The following GSDMB variants were observed in gnomAD, a reference collection of about 807,000 sequenced individuals.
The protein encoded by GSDMB is gasdermin-B.
A neutral mutation model predicts 42.9 loss-of-function variants in GSDMB; 32 were observed. That is an observed-to-expected ratio of 0.75 (90% CI 0.56 to 1.00). The LOEUF is 1.00. Among genes scored for constraint, GSDMB ranks in the 50% least tolerant of loss-of-function variants. The pLI, the probability that GSDMB is intolerant of heterozygous loss-of-function variation, is 0.00. For synonymous variants in GSDMB, 175 were observed against 193.7 expected (o/e 0.90, Z 0.80); for missense variants, 468 against 498.5 (o/e 0.94, Z 0.58).
intron 2 of GSDMB, 73 bp downstream of exon 2, chr17:39,917,009 G>A (rs746679705): frequency 1.2e-5 from 11 of 911,046 alleles, no homozygotes; most frequent in Non-Finnish European, 2.0e-5. Flanking sequence ...TAACAATGGG[G>A]AATTGAGAAG....
chr17:39,906,718 G>A, intron 7 of GSDMB: 1 of 1,250,058 alleles, frequency 8.0e-7, no homozygotes, highest in Non-Finnish European at 1.0e-6. Context: ...AGAGTTTCTG[G>A]AGACGGGACT....
chr17:39,917,252 A>T lies in GSDMB; in HGVS notation c.65T>A (p.Met22Lys). The T allele has an allele frequency of 6.2e-7, 1 of 1,614,024 alleles. No homozygotes were observed. The highest frequency in any genetic ancestry group is 8.5e-7 in the Non-Finnish European group (1 of 1,179,892). Residue 22 changes from methionine (M) to lysine (K), a missense_variant, in exon 2 of 11, where the codon ATG (methionine) becomes AAG (lysine). By Grantham distance (95) the Met-to-Lys change is moderately conservative. Coordinates refer to ENST00000418519, the MANE Select transcript of GSDMB (RefSeq NM_001165958.2). ...VVKEMDAGGD[M>K]IAVRSLVDAD... ...ATCAACAAGGCTTCTAACGGCAATC[A>T]TATCCCCTCCAGCATCCATCTCCTT...
chr17:39,906,607 G>A (rs543890956), intron 7 of GSDMB: 6 of 1,304,058 alleles, frequency 4.6e-6, no homozygotes, highest in Non-Finnish European at 5.8e-6. Flanking sequence ...ATTAGGATTT[G>A]GAGAAAGTTA....
intron 2 of GSDMB, among the ~76,000 whole-genome samples, chr17:39,914,341 T>G (rs891697466): frequency 6.6e-6 from 1 of 152,118 alleles, no homozygotes; most frequent in Non-Finnish European, 1.5e-5. Flanking sequence ...ACTGCTAAGA[T>G]TATCCCAAAC....
chr17:39,908,351 G>C, intron 5 of GSDMB, 137 bp from the exon 6 acceptor site: 1 of 577,642 alleles, frequency 1.7e-6, no homozygotes, highest in South Asian at 2.2e-5. Flanking sequence ...AAAGACAACT[G>C]TTTTTTGTTT....
rs1443717235 is a variant in GSDMB at position 39,917,067 on chromosome 17, C to A, written c.235+15G>T. On this transcript the variant is annotated intron_variant, in intron 2 of 10. Coordinates refer to ENST00000418519, the MANE Select transcript of GSDMB (RefSeq NM_001165958.2). ...GGCCTCCTGGCTGGCCACCTGTCAT[C>A]TACCTTATACTGACCTTGGAGCCCA... 1 of 1,578,550 alleles carries A rather than the reference C, an allele frequency of 6.3e-7. No individual in the cohort carries two copies. Among genetic ancestry groups the A allele is most frequent in the African/African-American group, 1.3e-5 (1 of 74,376 alleles).
chr17:39,905,968 A>T lies in GSDMB; in HGVS notation c.906T>A (p.Ile302=), dbSNP rs1221321541. ...GGTCCTCCATGTGTAGCTCCCCGGA[A>T]ATCAGGACCTCAGATACCTAGGGCC... ...DLEQRVSEVL[I]SGELHMEDPD... The change falls in exon 9 of 11, where the codon ATT becomes ATA. Residue 302 remains isoleucine (I), a synonymous_variant. Coordinates refer to ENST00000418519, the MANE Select transcript of GSDMB (RefSeq NM_001165958.2). 6.2e-7 allele frequency: 1 copy of T among 1,613,976 alleles called. No individual in the cohort carries two copies. The highest frequency in any genetic ancestry group is 1.7e-5 in the Admixed American group (1 of 59,996).
chr17:39,905,985 C>T lies in GSDMB; in HGVS notation c.889G>A (p.Val297Ile), dbSNP rs1485637276. 1.2e-6 allele frequency: 2 copies of T among 1,613,880 alleles called. No individual in the cohort carries two copies. Among genetic ancestry groups the T allele is most frequent in the Admixed American group, 1.7e-5 (1 of 59,986 alleles). ...TCCCCGGAAATCAGGACCTCAGATA[C>T]CTAGGGCCAGGAAGTGTGGGAGATG... ...EDIRQDLEQRVSEVLISGELH... is the reference protein window; with the variant it reads ...EDIRQDLEQRISEVLISGELH... Residue 297 changes from valine (V) to isoleucine (I), a missense_variant and splice_region_variant, in exon 9 of 11, where the codon GTA (valine) becomes ATA (isoleucine). Coordinates refer to ENST00000418519, the MANE Select transcript of GSDMB (RefSeq NM_001165958.2).
intron 3 of GSDMB, 89 bp downstream of exon 3, chr17:39,912,237 T>TA: frequency 2.2e-6 from 2 of 894,274 alleles, no homozygotes. Flanking sequence ...AAATAAATTT[T>TA]AAAAAGAGCC....
At position 39,912,360 on chromosome 17, in the gene GSDMB, T is replaced by C; in HGVS notation, c.373A>G (p.Ile125Val). 6.2e-7 allele frequency: 1 copy of C among 1,614,114 alleles called. No homozygotes were observed. The highest frequency in any genetic ancestry group is 8.5e-7 in the Non-Finnish European group (1 of 1,179,984). ...AGGGTAGCCAGATACTGCTGGGATA[T>C]CCGGTTCTCCGATATCTTGATTTTC... ...HQKIKISENR[I>V]SQQYLATLEN... Residue 125 changes from isoleucine (I) to valine (V), a missense_variant, in exon 3 of 11, where the codon ATA becomes GTA. Transcript: ENST00000418519.
Position 39,906,304 on chromosome 17 carries a change from C to G in GSDMB, c.728-33G>C. ...GGCAGCAATTGAGAACCTGGGCCAC[C>G]CAGCCCAAAAGGTTTTATTTCTAAG... On this transcript the variant is annotated intron_variant, in intron 7 of 10. Transcript: ENST00000418519. The G allele has an allele frequency of 2.5e-6, 4 of 1,609,290 alleles. No homozygotes were observed. The Middle Eastern group carries it at 6.6e-4, about 266-fold the overall frequency.
intron 2 of GSDMB, among the ~76,000 whole-genome samples, chr17:39,913,241 G>A (rs2063646606): frequency 6.6e-6 from 1 of 152,230 alleles, no homozygotes; most frequent in African/African-American, 2.4e-5. Flanking sequence ...CTTAATAATT[G>A]TAAGCCAGTC....
Position 39,905,853 on chromosome 17 carries a change from G to C in GSDMB, c.1021C>G (p.Leu341Val). The change falls in exon 9 of 11, where the codon CTG becomes GTG. Residue 341 changes from leucine to valine, a missense_variant. Coordinates refer to ENST00000418519, the MANE Select transcript of GSDMB (RefSeq NM_001165958.2). ...CAGCGAGACCCTTCCTCACCTAGCA[G>C]GGCATCCAGGAAGTCCAGAATGGCT... ...AKAILDFLDA[L>V]LELSEEQQFV... 6.2e-7 allele frequency: 1 copy of C among 1,613,734 alleles called. No individual in the cohort carries two copies. Among genetic ancestry groups the C allele is most frequent in the Non-Finnish European group, 8.5e-7 (1 of 1,179,850 alleles).
intron 7 of GSDMB, 160 bp downstream of exon 7, chr17:39,906,801 G>A (rs2063512928): frequency 6.8e-7 from 1 of 1,477,552 alleles, no homozygotes. Flanking sequence ...GTGTTTAGAG[G>A]AGACAGATGC....
chr17:39,914,193 G>A (rs2063664915), intron 2 of GSDMB, among the ~76,000 whole-genome samples: 1 of 152,136 alleles, frequency 6.6e-6, no homozygotes, highest in African/African-American at 2.4e-5. Flanking sequence ...TACCCCTGAT[G>A]TGATGTAATA....
intron 3 of GSDMB, among the ~76,000 whole-genome samples, chr17:39,911,580 C>T (rs1245067615): frequency 2.0e-5 from 3 of 152,144 alleles, no homozygotes; most frequent in African/African-American, 7.2e-5. Context: ...GGTGGCTGTA[C>T]TCCATGCAGG....
At chr17:39,905,624 T>G in intron 9 of GSDMB, 128 bp from the exon 10 acceptor site, 1 of 913,824 alleles carries the variant, frequency 1.1e-6, no homozygotes, top group African/African-American at 1.6e-5. Flanking sequence ...AGATGAGACT[T>G]ACTCCAAACA....
chr17:39,911,475 G>A (rs572792651), intron 3 of GSDMB, among the ~76,000 whole-genome samples: 33 of 152,108 alleles, frequency 2.2e-4, no homozygotes, highest in Admixed American at 2.0e-3. Flanking sequence ...TATTGCTGAG[G>A]GGATGGCTAG....
rs374116504 is a variant in GSDMB, at chr17:39,917,077, C to G, written c.235+5G>C. On this transcript the variant is annotated splice_donor_5th_base_variant and intron_variant, in intron 2 of 10. Coordinates refer to ENST00000418519, the MANE Select transcript of GSDMB (RefSeq NM_001165958.2). ...CTGGCCACCTGTCATCTACCTTATACTGACCTTGGAGCCCAGAATCCAGTT... is the reference window on the plus strand; with the variant it reads ...CTGGCCACCTGTCATCTACCTTATAGTGACCTTGGAGCCCAGAATCCAGTT... 4.5e-4 allele frequency: 715 copies of G among 1,604,470 alleles called. No homozygotes were observed. The highest frequency in any genetic ancestry group is 8.2e-4 in the Admixed American group (49 of 60,012).
Sources: allele counts gnomAD v4.1 joint callset (sites outside exome capture counted in the v4.1 genomes callset), GRCh38; gene constraint gnomAD v4.1.1; transcripts MANE v1.5; gene names NCBI Gene and HGNC (gene_info 2026-07-23, HGNC 2026-07-21).